The following NRG1 variants were observed in gnomAD, a reference collection of about 807,000 sequenced individuals.
NRG1 encodes the protein neuregulin 1.
Under a neutral mutation model 63.8 loss-of-function variants are expected in NRG1, and 18 were observed. That is an observed-to-expected ratio of 0.28 (90% CI 0.19 to 0.42). The LOEUF is 0.42. Among genes scored for constraint, NRG1 ranks in the 10% least tolerant of loss-of-function variants. NRG1 has a pLI of 1.00. For missense variants in NRG1, 762 were observed against 814.7 expected, an observed-to-expected ratio of 0.94 and a Z score of 0.79; for synonymous variants, 302 against 301.3, an observed-to-expected ratio of 1.00 and a Z score of -0.02.
chr8:32,724,175 A>C (rs1821445991), intron 5 of NRG1, among the ~76,000 whole-genome samples: 1 of 152,220 alleles, frequency 6.6e-6, no homozygotes, highest in African/African-American at 2.4e-5. Context: ...AATGGCAAAC[A>C]TCAAAGTAAT....
intron 1 of NRG1, among the ~76,000 whole-genome samples, chr8:32,019,920 A>C (rs1221488058): frequency 2.6e-5 from 4 of 152,128 alleles, no homozygotes; most frequent in Non-Finnish European, 5.9e-5. Flanking sequence ...ACTCATTATC[A>C]AACTCCTCCA....
At chr8:32,523,817 TG>T (rs1830556863) in intron 1 of NRG1, among the ~76,000 whole-genome samples, 1 of 152,110 alleles carries the variant, frequency 6.6e-6, no homozygotes, top group Non-Finnish European at 1.5e-5. Flanking sequence ...CACTCCAGCC[TG>T]GGAGACAGAG....
chr8:32,727,706 G>A (rs2129014436), intron 5 of NRG1, among the ~76,000 whole-genome samples: 1 of 152,178 alleles, frequency 6.6e-6, no homozygotes, highest in Non-Finnish European at 1.5e-5. Context: ...AAAATGTTGA[G>A]CCTCTTTTCC....
At chr8:32,004,011 T>C (rs985284702) in intron 1 of NRG1, among the ~76,000 whole-genome samples, 3 of 152,018 alleles carry the variant, frequency 2.0e-5, no homozygotes, top group Admixed American at 1.3e-4. Flanking sequence ...GAAAATACCA[T>C]TGAAGATGGG....
intron 1 of NRG1, among the ~76,000 whole-genome samples, chr8:32,339,164 C>T (rs897535214): frequency 6.6e-6 from 1 of 151,918 alleles, no homozygotes; most frequent in African/African-American, 2.4e-5. Context: ...GTTCCCTCTC[C>T]CTAAAGTGGT....
chr8:31,729,670 T>C (rs1813820643), intron 1 of NRG1, among the ~76,000 whole-genome samples: 1 of 152,122 alleles, frequency 6.6e-6, no homozygotes, highest in African/African-American at 2.4e-5. Context: ...TTCTCAAATA[T>C]ATTTAAGACA....
intron 5 of NRG1, among the ~76,000 whole-genome samples, chr8:32,724,346 A>C (rs1240089441): frequency 6.6e-6 from 1 of 152,138 alleles, no homozygotes; most frequent in Non-Finnish European, 1.5e-5. Flanking sequence ...CATCTTTTAT[A>C]TATTGAAACA....
intron 1 of NRG1, among the ~76,000 whole-genome samples, chr8:31,927,184 T>C (rs1306009420): frequency 6.6e-6 from 1 of 152,144 alleles, no homozygotes; most frequent in Non-Finnish European, 1.5e-5. Context: ...GTAGCTTACC[T>C]AATGTTACAG....
chr8:31,648,361 T>C (rs1000860881), intron 1 of NRG1, among the ~76,000 whole-genome samples: 1 of 151,988 alleles, frequency 6.6e-6, no homozygotes, highest in African/African-American at 2.4e-5. Flanking sequence ...CTAGATCTCC[T>C]GACCTTGTGA....
intron 1 of NRG1, among the ~76,000 whole-genome samples, chr8:31,921,029 T>C (rs1833869318): frequency 6.6e-6 from 1 of 152,158 alleles, no homozygotes; most frequent in Non-Finnish European, 1.5e-5. Flanking sequence ...ATGCTGGTCC[T>C]ACTAAATTTA....
At chr8:32,404,240 A>G (rs965678140) in intron 1 of NRG1, among the ~76,000 whole-genome samples, 4 of 152,192 alleles carry the variant, frequency 2.6e-5, no homozygotes, top group Non-Finnish European at 5.9e-5. Flanking sequence ...TGGTACCCAC[A>G]ATGCCAAAAC....
At chr8:32,400,748 A>G (rs2129484599) in intron 1 of NRG1, among the ~76,000 whole-genome samples, 1 of 152,330 alleles carries the variant, frequency 6.6e-6, no homozygotes, top group Non-Finnish European at 1.5e-5. Context: ...AAAGAACTTA[A>G]AATAGAATTA....
At chr8:32,013,047 G>A (rs1192663452) in intron 1 of NRG1, among the ~76,000 whole-genome samples, 2 of 152,016 alleles carry the variant, frequency 1.3e-5, no homozygotes, top group Admixed American at 6.6e-5. Context: ...TAGACAGTAG[G>A]CATAAAAGCC....
chr8:32,729,174 A>G (rs1823019231), intron 6 of NRG1, among the ~76,000 whole-genome samples: 1 of 152,230 alleles, frequency 6.6e-6, no homozygotes, highest in African/African-American at 2.4e-5. Flanking sequence ...TAAACCTTGT[A>G]GTAAAAACTA....
At chr8:32,120,134 G>A (rs1298760004) in intron 1 of NRG1, among the ~76,000 whole-genome samples, 4 of 151,950 alleles carry the variant, frequency 2.6e-5, no homozygotes, top group Non-Finnish European at 5.9e-5. Flanking sequence ...TTCCATTCTA[G>A]CAATCAATTT....
At chr8:32,536,080 T>C (rs528448660) in intron 1 of NRG1, among the ~76,000 whole-genome samples, 11 of 152,352 alleles carry the variant, frequency 7.2e-5, no homozygotes, top group Admixed American at 5.2e-4. Flanking sequence ...AATTCAATCT[T>C]AGCATCTGGA....
At chr8:32,406,888 G>T (rs1404821775) in intron 1 of NRG1, among the ~76,000 whole-genome samples, 2 of 151,950 alleles carry the variant, frequency 1.3e-5, no homozygotes, top group Non-Finnish European at 2.9e-5. Context: ...TTGTGGCCAG[G>T]GATCAAAGGC....
At chr8:31,927,021 T>G (rs1834414031) in intron 1 of NRG1, among the ~76,000 whole-genome samples, 1 of 152,200 alleles carries the variant, frequency 6.6e-6, no homozygotes, top group Non-Finnish European at 1.5e-5. Context: ...TTCTGATTTT[T>G]TTTAGTAATA....
chr8:32,752,950 C>T (rs138559246), intron 7 of NRG1, among the ~76,000 whole-genome samples: 255 of 152,252 alleles, frequency 1.7e-3, no homozygotes, highest in African/African-American at 5.8e-3. Context: ...ATGATAAGGT[C>T]CACTGTATCC....
Sources: gnomAD v4.1 joint callset for allele counts (sites outside exome capture counted in the v4.1 genomes callset) on GRCh38, gnomAD v4.1.1 for gene constraint, MANE v1.5 for transcripts, NCBI Gene and HGNC (gene_info 2026-07-23, HGNC 2026-07-21) for gene names.